The following BLTP3A variants were observed in gnomAD, a reference collection of about 807,000 sequenced individuals.
BLTP3A encodes the protein bridge-like lipid transfer protein family member 3A.
chr6:34,798,594 C>CTTTCTTTTTTTTTTTTTTTTTTTTT, the BLTP3A span, among the ~76,000 whole-genome samples: 3 of 94,500 alleles, frequency 3.2e-5, no homozygotes, highest in Non-Finnish European at 6.0e-5. Flanking sequence ...TTCTTTCTTT[C>CTTTCTTTTTTTTTTTTTTTTTTTTT]TTTTTTTTTT....
At chr6:34,849,442 A>C in the BLTP3A span, among the ~76,000 whole-genome samples, 1 of 152,208 alleles carries the variant, frequency 6.6e-6, no homozygotes, top group African/African-American at 2.4e-5. Context: ...CAAACAAGCA[A>C]AGAGGAAATT....
the BLTP3A span, chr6:34,871,608 A>C: frequency 4.3e-6 from 7 of 1,613,348 alleles, no homozygotes; most frequent in Non-Finnish European, 3.4e-6. Context: ...CATCTATCCA[A>C]CATCTCCAGG....
At chr6:34,801,887 G>C in the BLTP3A span, among the ~76,000 whole-genome samples, 1 of 151,742 alleles carries the variant, frequency 6.6e-6, no homozygotes, top group Admixed American at 6.6e-5. Context: ...ACAGGCGCCC[G>C]CCGCCACACC....
chr6:34,793,313 C>G, the BLTP3A span, among the ~76,000 whole-genome samples: 277 of 152,200 alleles, frequency 1.8e-3, no homozygotes, highest in African/African-American at 6.1e-3. Context: ...ATGGTTAATA[C>G]CTTAACCAGC....
chr6:34,841,738 C>T, the BLTP3A span, among the ~76,000 whole-genome samples: 1 of 152,204 alleles, frequency 6.6e-6, no homozygotes, highest in South Asian at 2.1e-4. Flanking sequence ...TGAGGTGGGA[C>T]AGCATTGTCT....
chr6:34,815,519 G>A, the BLTP3A span, among the ~76,000 whole-genome samples: 1 of 151,768 alleles, frequency 6.6e-6, no homozygotes, highest in African/African-American at 2.4e-5. Flanking sequence ...CAAAGTGCTG[G>A]GATTATAGGG....
chr6:34,836,103 C>A, the BLTP3A span: 1 of 1,575,828 alleles, frequency 6.3e-7, no homozygotes, highest in South Asian at 1.1e-5. Context: ...AGAAAGCCTA[C>A]AAAGGATCTT....
At chr6:34,850,254 A>G in the BLTP3A span, among the ~76,000 whole-genome samples, 173 of 151,938 alleles carry the variant, frequency 1.1e-3, 3 homozygotes, top group South Asian at 0.033. Flanking sequence ...TTTGAATGTT[A>G]TTTATTTTCT....
the BLTP3A span, among the ~76,000 whole-genome samples, chr6:34,837,970 C>G: frequency 3.9e-5 from 6 of 152,236 alleles, no homozygotes; most frequent in South Asian, 1.2e-3. Flanking sequence ...CATCCTGTCG[C>G]TTGATAAGGG....
At chr6:34,840,644 C>A in the BLTP3A span, among the ~76,000 whole-genome samples, 3 of 151,388 alleles carry the variant, frequency 2.0e-5, no homozygotes, top group East Asian at 5.9e-4. Flanking sequence ...GAGACAGAGT[C>A]TCGCTCTGTC....
At chr6:34,840,177 CAA>C in the BLTP3A span, among the ~76,000 whole-genome samples, 1 of 151,698 alleles carries the variant, frequency 6.6e-6, no homozygotes, top group African/African-American at 2.4e-5. Context: ...AATATGGTAC[CAA>C]AAAAAGAGTG....
At chr6:34,848,086 A>ATT in the BLTP3A span, among the ~76,000 whole-genome samples, 3 of 137,800 alleles carry the variant, frequency 2.2e-5, no homozygotes, top group African/African-American at 2.7e-5. Context: ...TGCCAGGCTA[A>ATT]TTTTTTTTTT....
the BLTP3A span, among the ~76,000 whole-genome samples, chr6:34,860,179 A>G: frequency 6.6e-6 from 1 of 152,048 alleles, no homozygotes; most frequent in Non-Finnish European, 1.5e-5. Context: ...AGTGTCTGTC[A>G]GAGTAATAGA....
the BLTP3A span, among the ~76,000 whole-genome samples, chr6:34,803,043 A>G: frequency 0.44 from 67,417 of 151,506 alleles, 16,959 homozygotes; most frequent in African/African-American, 0.7. Context: ...GGTGTGGGGC[A>G]TGGTGGCGTG....
At chr6:34,856,017 G>GA in the BLTP3A span, 1 of 865,560 alleles carries the variant, frequency 1.2e-6, no homozygotes, top group Non-Finnish European at 1.4e-6. Context: ...GTCAAATATG[G>GA]CAGCAGTCAA....
chr6:34,809,112 G>A, the BLTP3A span, among the ~76,000 whole-genome samples: 3 of 152,300 alleles, frequency 2.0e-5, no homozygotes, highest in Admixed American at 6.5e-5. Context: ...ACTTCAGACC[G>A]CCAGGTTTGG....
At chr6:34,864,975 A>G in the BLTP3A span, among the ~76,000 whole-genome samples, 1 of 152,096 alleles carries the variant, frequency 6.6e-6, no homozygotes, top group African/African-American at 2.4e-5. Context: ...CAAAAAAAAG[A>G]GAGAATGTCC....
chr6:34,823,386 A>T, the BLTP3A span: 1 of 1,519,552 alleles, frequency 6.6e-7, no homozygotes, highest in African/African-American at 1.4e-5. Flanking sequence ...CAACATATTA[A>T]TTGCTCCAGA....
At chr6:34,872,516 C>G in the BLTP3A span, 1 of 1,504,820 alleles carries the variant, frequency 6.6e-7, no homozygotes, top group South Asian at 1.4e-5. Context: ...AGGGCACTGT[C>G]CAGTGCTGAA....
Sources: gnomAD v4.1 joint callset for allele counts (sites outside exome capture counted in the v4.1 genomes callset) on GRCh38, gnomAD v4.1.1 for gene constraint, MANE v1.5 for transcripts, NCBI Gene and HGNC (gene_info 2026-07-23, HGNC 2026-07-21) for gene names.